TCF7L1: variants seen among roughly 807,000 people sequenced by gnomAD.
TCF7L1 encodes transcription factor 7-like 1.
In TCF7L1, 18 loss-of-function variants were observed where a neutral mutation model predicts 63.7. That is an observed-to-expected ratio of 0.28 (90% CI 0.20 to 0.42). TCF7L1 has a LOEUF of 0.42. Ranked by LOEUF, TCF7L1 falls within the 10% of genes least tolerant of loss-of-function variation. The pLI is 1.00. For missense variants in TCF7L1, 654 were observed against 779.3 expected (o/e 0.84, Z 1.91); for synonymous variants, 355 against 340.9 (o/e 1.04, Z -0.46).
chr2:85,188,936 C>CT (rs1430208468), intron 3 of TCF7L1, among the ~76,000 whole-genome samples: 1 of 152,134 alleles, frequency 6.6e-6, no homozygotes, highest in East Asian at 1.9e-4. Context: ...TTAATTGCTC[C>CT]TTATAGTATT....
Position 85,309,492 on chromosome 2 carries a change from T to C in TCF7L1, c.*30T>C. ...CCCCCGACCCCTGCAGGCTGTCACATGACTCATTGAGTAGTAATGATTCAG... is the reference window on the plus strand; with the variant it reads ...CCCCCGACCCCTGCAGGCTGTCACACGACTCATTGAGTAGTAATGATTCAG... On this transcript the variant is annotated 3_prime_UTR_variant, in exon 12 of 12. Coordinates refer to ENST00000282111, the MANE Select transcript of TCF7L1 (RefSeq NM_031283.3). The C allele has an allele frequency of 6.6e-7, 1 of 1,513,528 alleles. No homozygotes were observed. Among genetic ancestry groups the C allele is most frequent in the Non-Finnish European group, 8.8e-7 (1 of 1,131,592 alleles). 93.8% of individuals were successfully genotyped at this position (1,513,528 alleles called of 1,614,324 possible).
At chr2:85,229,977 C>T (rs1452914874) in intron 3 of TCF7L1, among the ~76,000 whole-genome samples, 1 of 152,182 alleles carries the variant, frequency 6.6e-6, no homozygotes. Context: ...CAGTAACACT[C>T]CAGCCTGGGT....
At chr2:85,261,344 C>T (rs1009905450) in intron 3 of TCF7L1, among the ~76,000 whole-genome samples, 1 of 152,212 alleles carries the variant, frequency 6.6e-6, no homozygotes, top group African/African-American at 2.4e-5. Flanking sequence ...GGATTCTCCA[C>T]CTCCAGTGGC....
intron 11 of TCF7L1, among the ~76,000 whole-genome samples, chr2:85,308,527 C>T: frequency 8.5e-6 from 1 of 117,602 alleles, no homozygotes; most frequent in Non-Finnish European, 1.8e-5. Context: ...TCGCTTTCTC[C>T]TTCCGCCCTC....
rs188904574 is a variant in TCF7L1 at position 85,195,532 on chromosome 2, C to G, written c.441+61082C>G. The stretch of plus-strand genomic sequence containing the variant: ...TGCTTGCTTTTTGCTTGCTTTTTTG[C>G]TTTCCTTTCTTTTTTTCCTTCTTTC... On this transcript the variant is annotated intron_variant, in intron 3 of 11. Transcript: ENST00000282111. Among the ~76,000 whole-genome samples, 20 of 152,034 alleles carry G rather than the reference C, an allele frequency of 1.3e-4. No homozygotes were observed. The East Asian group carries it at 3.9e-3, about 29-fold the overall frequency.
At chr2:85,294,905 A>G (rs534176052) in intron 4 of TCF7L1, among the ~76,000 whole-genome samples, 47 of 152,044 alleles carry the variant, frequency 3.1e-4, no homozygotes, top group African/African-American at 1.1e-3. Context: ...ATGGTGGCAC[A>G]TACCTGCAGT....
intron 3 of TCF7L1, among the ~76,000 whole-genome samples, chr2:85,192,986 C>T (rs1024953156): frequency 6.6e-6 from 1 of 152,152 alleles, no homozygotes; most frequent in African/African-American, 2.4e-5. Flanking sequence ...ACTGTGCCCG[C>T]TCTGTCTTAT....
chr2:85,173,611 C>T (rs886897718), intron 3 of TCF7L1, among the ~76,000 whole-genome samples: 1 of 152,190 alleles, frequency 6.6e-6, no homozygotes, highest in African/African-American at 2.4e-5. Context: ...ATATCGAAGT[C>T]TCCTAAACTC....
intron 4 of TCF7L1, among the ~76,000 whole-genome samples, chr2:85,289,812 C>T (rs1284927035): frequency 1.3e-5 from 2 of 151,844 alleles, no homozygotes; most frequent in Non-Finnish European, 2.9e-5. Context: ...CCTGGGATTA[C>T]AGGTATTCAC....
At position 85,255,493 on chromosome 2, in the gene TCF7L1, T is replaced by TGA. The variant is rs775166931; in HGVS notation, c.442-27997_442-27996dup. Among the ~76,000 whole-genome samples the TGA allele has an allele frequency of 2.0e-5, 3 of 152,210 alleles. No individual in the cohort carries two copies. The East Asian group carries it at 5.8e-4, about 29-fold the overall frequency. On this transcript the variant is annotated intron_variant, in intron 3 of 11. Coordinates refer to ENST00000282111, the MANE Select transcript of TCF7L1 (RefSeq NM_031283.3). ...TGCTTCAGTCAGGGGCCCTTCTTGC[T>TGA]GAGAGACCAGGCAGCTTTCCCAGGG...
intron 3 of TCF7L1, among the ~76,000 whole-genome samples, chr2:85,273,287 T>G (rs546129901): frequency 6.6e-6 from 1 of 152,298 alleles, no homozygotes; most frequent in East Asian, 1.9e-4. Flanking sequence ...CACAGACCCC[T>G]CCTGTGTTTC....
chr2:85,268,693 C>T (rs746722636), intron 3 of TCF7L1, among the ~76,000 whole-genome samples: 17 of 151,260 alleles, frequency 1.1e-4, no homozygotes, highest in East Asian at 1.9e-4. Context: ...CCACCCTCCT[C>T]GGTTTCCCAA....
At chr2:85,247,190 G>A (rs949775557) in intron 3 of TCF7L1, among the ~76,000 whole-genome samples, 1 of 152,116 alleles carries the variant, frequency 6.6e-6, no homozygotes, top group Non-Finnish European at 1.5e-5. Flanking sequence ...AGCTTACCAG[G>A]ATACAATATC....
chr2:85,303,668 AATCC>A, intron 5 of TCF7L1: 1 of 427,820 alleles, frequency 2.3e-6, no homozygotes, highest in African/African-American at 2.0e-5. Flanking sequence ...ACAGAGATAG[AATCC>A]GTGCAGCTAG....
chr2:85,145,845 T>C (rs1276513663), intron 3 of TCF7L1, among the ~76,000 whole-genome samples: 3 of 151,778 alleles, frequency 2.0e-5, no homozygotes, highest in African/African-American at 7.3e-5. Flanking sequence ...TTTGCTATGT[T>C]TTTATTTTAT....
At chr2:85,210,085 C>T (rs1180293315) in intron 3 of TCF7L1, among the ~76,000 whole-genome samples, 1 of 152,180 alleles carries the variant, frequency 6.6e-6, no homozygotes, top group Non-Finnish European at 1.5e-5. Flanking sequence ...ATAGTCTTCA[C>T]AGGTCAGTGT....
At position 85,133,567 on chromosome 2, in the gene TCF7L1, T is replaced by C. The variant is rs932928759; in HGVS notation, c.-118T>C. 3.1e-5 allele frequency: 8 copies of C among 256,194 alleles called. No homozygotes were observed. Among genetic ancestry groups the C allele is most frequent in the East Asian group, 1.8e-4 (1 of 5,522 alleles). The allele number at this position is 256,194 out of a possible 1,614,324, so 15.9% of individuals were successfully genotyped here. ...CGCGGGGCCACGCCCTGTCAAACTT[T>C]GTTGCGGCGGCTAGCGCAGCGGGCC... On this transcript the variant is annotated 5_prime_UTR_variant, in exon 1 of 12. Coordinates refer to ENST00000282111, the MANE Select transcript of TCF7L1 (RefSeq NM_031283.3). The surrounding 1 kb of genome is among the most constrained non-coding windows in gnomAD (Gnocchi z 4.4).
intron 3 of TCF7L1, among the ~76,000 whole-genome samples, chr2:85,180,273 A>T (rs1016181278): frequency 1.5e-5 from 2 of 136,324 alleles, no homozygotes; most frequent in South Asian, 2.4e-4. Context: ...GCTATGTTGT[A>T]TGTTACCCAG....
At chr2:85,199,986 G>A (rs6722568) in intron 3 of TCF7L1, among the ~76,000 whole-genome samples, 70,338 of 152,048 alleles carry the variant, frequency 0.46, 16,561 homozygotes, top group African/African-American at 0.53. Flanking sequence ...CATTTCGTCA[G>A]ATGGAGTCAT....
Sources: allele counts gnomAD v4.1 joint callset (sites outside exome capture counted in the v4.1 genomes callset), GRCh38; gene constraint gnomAD v4.1.1; non-coding constraint Gnocchi (gnomAD v3.1); transcripts MANE v1.5; gene names NCBI Gene and HGNC (gene_info 2026-07-23, HGNC 2026-07-21).